Variants in MPDZ observed in about 807,000 individuals in gnomAD.
MPDZ encodes multiple PDZ domain protein.
Under a neutral mutation model 239.1 loss-of-function variants are expected in MPDZ, and 234 were observed. That is an observed-to-expected ratio of 0.98 (90% CI 0.88 to 1.09). MPDZ has a LOEUF of 1.09. Among genes scored for constraint, MPDZ ranks in the 50% least tolerant of loss-of-function variants. MPDZ has a pLI of 0.00. For synonymous variants in MPDZ, 1,048 were observed against 881.3 expected, an observed-to-expected ratio of 1.19 and a Z score of -3.35; for missense variants, 3,175 against 2,510.0, an observed-to-expected ratio of 1.26 and a Z score of -5.66.
chr9:13,151,187 G>A (rs1949123468), intron 24 of MPDZ, among the ~76,000 whole-genome samples: 1 of 151,908 alleles, frequency 6.6e-6, no homozygotes, highest in African/African-American at 2.4e-5. Flanking sequence ...CAGAGCGTGT[G>A]AAACCCTTGT....
At chr9:13,198,677 C>T (rs138502623) in intron 12 of MPDZ, among the ~76,000 whole-genome samples, 1 of 149,748 alleles carries the variant, frequency 6.7e-6, no homozygotes, top group African/African-American at 2.4e-5. Flanking sequence ...AATCCAATGT[C>T]CTGAAGCATT....
chr9:13,226,404 C>G (rs1960627957), intron 3 of MPDZ, among the ~76,000 whole-genome samples: 1 of 152,062 alleles, frequency 6.6e-6, no homozygotes, highest in Non-Finnish European at 1.5e-5. Context: ...AAGCTTACTT[C>G]ATTGATGTTT....
intron 3 of MPDZ, among the ~76,000 whole-genome samples, chr9:13,245,881 A>C (rs1202675286): frequency 2.0e-5 from 3 of 152,096 alleles, no homozygotes; most frequent in African/African-American, 7.2e-5. Flanking sequence ...TGCACAAATA[A>C]CTATTCCTTT....
At chr9:13,170,733 T>C (rs975624753) in intron 21 of MPDZ, among the ~76,000 whole-genome samples, 22 of 152,198 alleles carry the variant, frequency 1.4e-4, no homozygotes, top group Non-Finnish European at 7.3e-5. Context: ...CAACATGATC[T>C]CTGAATTCAC....
chr9:13,269,958 T>A (rs1314623382), intron 1 of MPDZ, among the ~76,000 whole-genome samples: 1 of 152,228 alleles, frequency 6.6e-6, no homozygotes, highest in Non-Finnish European at 1.5e-5. Context: ...TCCTAATTAC[T>A]AATTCACAGA....
At chr9:13,209,585 C>A (rs1049693427) in intron 10 of MPDZ, among the ~76,000 whole-genome samples, 1 of 152,152 alleles carries the variant, frequency 6.6e-6, no homozygotes, top group Non-Finnish European at 1.5e-5. Flanking sequence ...TGTGAAATAT[C>A]ACGGTCCAAA....
intron 3 of MPDZ, among the ~76,000 whole-genome samples, chr9:13,230,710 T>C (rs1411541875): frequency 6.6e-6 from 1 of 152,032 alleles, no homozygotes; most frequent in African/African-American, 2.4e-5. Flanking sequence ...TGGGGATAGC[T>C]AGGTTAATCT....
At chr9:13,165,369 A>T in intron 22 of MPDZ, 1 of 1,549,628 alleles carries the variant, frequency 6.5e-7, no homozygotes, top group Non-Finnish European at 8.7e-7. Context: ...ATACTCACAC[A>T]TAAAAGGGGG....
chr9:13,278,910 G>A (rs558307336), intron 1 of MPDZ: 1 of 152,178 alleles, frequency 6.6e-6, no homozygotes, highest in Non-Finnish European at 1.5e-5. Flanking sequence ...GAGAGCAACA[G>A]GCTCCCGCGC....
At chr9:13,165,155 C>G (rs1950919880) in intron 22 of MPDZ, among the ~76,000 whole-genome samples, 1 of 152,106 alleles carries the variant, frequency 6.6e-6, no homozygotes, top group African/African-American at 2.4e-5. Flanking sequence ...CAAATGAGTT[C>G]ACAATCATCA....
At chr9:13,259,959 G>A (rs1179223660) in intron 1 of MPDZ, among the ~76,000 whole-genome samples, 1 of 151,828 alleles carries the variant, frequency 6.6e-6, no homozygotes, top group African/African-American at 2.4e-5. Context: ...TCAGCCTCCT[G>A]AGTAGCTGAG....
rs1293648621 is a variant in MPDZ, at chr9:13,137,996, T to G, written c.4161A>C (p.Gly1387=). Residue 1387 remains glycine, a synonymous_variant, in exon 29 of 47, where the codon GGA becomes GGC. Coordinates refer to ENST00000319217, the MANE Select transcript of MPDZ (RefSeq NM_001378778.1). ...IVGIDPNGAA[G]KDGRLQIADE... is the part of the protein sequence containing the mutation. ...CTGCAATTTGCAATCGACCATCTTT[T>G]CCTGCAGCTCCATTTGGATCAATCC... 2.5e-6 allele frequency: 4 copies of G among 1,613,874 alleles called. No individual in the cohort carries two copies. Among genetic ancestry groups the G allele is most frequent in the Non-Finnish European group, 2.5e-6 (3 of 1,179,814 alleles).
Position 13,168,541 on chromosome 9 carries a change from C to T in MPDZ, c.3079G>A (p.Asp1027Asn). The T allele has an allele frequency of 1.9e-6, 3 of 1,608,076 alleles. No individual in the cohort carries two copies. The highest frequency in any genetic ancestry group is 2.5e-6 in the Non-Finnish European group (3 of 1,177,876). ...SLGMTVSANK[D>N]GLGMIVRSII... ...CTTCGAACGATCATCCCCAAGCCAT[C>T]TTTATTAGCACTAACTGTCATTCCT... Residue 1027 changes from aspartate to asparagine, a missense_variant, in exon 22 of 47, where the codon GAT (aspartate) becomes AAT (asparagine). Physicochemically the swap from Asp to Asn is conservative, Grantham distance 23 (BLOSUM62 1). Transcript: ENST00000319217.
At chr9:13,227,915 C>T (rs1029712282) in intron 3 of MPDZ, among the ~76,000 whole-genome samples, 1 of 151,994 alleles carries the variant, frequency 6.6e-6, no homozygotes, top group African/African-American at 2.4e-5. Context: ...AATTTATACT[C>T]ATAAGAAAAA....
intron 27 of MPDZ, among the ~76,000 whole-genome samples, chr9:13,142,147 T>C (rs949865981): frequency 2.2e-4 from 33 of 152,166 alleles, no homozygotes; most frequent in Non-Finnish European, 4.1e-4. Context: ...AAAGCTAATT[T>C]AAACTTCTCA....
At chr9:13,246,829 G>A (rs540852771) in intron 3 of MPDZ, among the ~76,000 whole-genome samples, 1 of 152,072 alleles carries the variant, frequency 6.6e-6, no homozygotes, top group South Asian at 2.1e-4. Flanking sequence ...TAATGCTAAA[G>A]ACATTAGAAT....
chr9:13,220,293 A>C (rs1958934124), intron 7 of MPDZ, among the ~76,000 whole-genome samples: 1 of 151,968 alleles, frequency 6.6e-6, no homozygotes, highest in Non-Finnish European at 1.5e-5. Context: ...TGAGGAGTGA[A>C]AAGCAGTCTT....
At chr9:13,135,994 C>G in intron 31 of MPDZ, 98 bp downstream of exon 31, 2 of 802,600 alleles carry the variant, frequency 2.5e-6, no homozygotes, top group Non-Finnish European at 4.0e-6. Flanking sequence ...TTATCTACCT[C>G]TAATATCCCT....
At chr9:13,127,553 CA>C (rs540119653) in intron 32 of MPDZ, among the ~76,000 whole-genome samples, 79 of 152,116 alleles carry the variant, frequency 5.2e-4, no homozygotes, top group Non-Finnish European at 9.9e-4. Context: ...TTACAAAAAG[CA>C]AAGAAAAGAA....
Sources: gnomAD v4.1 joint callset for allele counts (sites outside exome capture counted in the v4.1 genomes callset) on GRCh38, gnomAD v4.1.1 for gene constraint, MANE v1.5 for transcripts, NCBI Gene and HGNC (gene_info 2026-07-23, HGNC 2026-07-21) for gene names.